CNTN6: variants seen among roughly 807,000 people sequenced by gnomAD.
CNTN6 encodes contactin-6.
A neutral mutation model predicts 122.8 loss-of-function variants in CNTN6; 137 were observed. That is an observed-to-expected ratio of 1.12 (90% CI 0.97 to 1.29). The LOEUF is 1.29. CNTN6 is among the 50% of genes most tolerant of loss of function. The pLI is 0.00. For synonymous variants in CNTN6, 570 were observed against 426.0 expected, an observed-to-expected ratio of 1.34 and a Z score of -4.16; for missense variants, 1,634 against 1,223.4, an observed-to-expected ratio of 1.34 and a Z score of -5.01.
chr3:1,122,301 T>G (rs892510954), intron 1 of CNTN6, among the ~76,000 whole-genome samples: 2 of 92,654 alleles, frequency 2.2e-5, no homozygotes, highest in Non-Finnish European at 2.2e-5. Flanking sequence ...AAGAGAGAAA[T>G]AAATAAAGGA....
chr3:1,266,955 T>A (rs919673322), intron 4 of CNTN6, among the ~76,000 whole-genome samples: 1 of 144,512 alleles, frequency 6.9e-6, no homozygotes, highest in African/African-American at 2.6e-5. Context: ...GGCCCTTTTT[T>A]TTTTTTTTTT....
chr3:1,403,173 A>C, intron 22 of CNTN6, 145 bp from the exon 23 acceptor site: 1 of 555,300 alleles, frequency 1.8e-6, no homozygotes, highest in South Asian at 2.6e-5. Flanking sequence ...CACTTTCTAA[A>C]ATTAAATATA....
intron 4 of CNTN6, among the ~76,000 whole-genome samples, chr3:1,265,304 C>A (rs1165708809): frequency 6.6e-6 from 1 of 152,066 alleles, no homozygotes; most frequent in Non-Finnish European, 1.5e-5. Context: ...CTAAATGAAA[C>A]CTAGTCACTG....
intron 14 of CNTN6, among the ~76,000 whole-genome samples, chr3:1,373,317 A>C (rs1158713840): frequency 3.3e-5 from 5 of 152,108 alleles, no homozygotes; most frequent in African/African-American, 1.2e-4. Flanking sequence ...TACTTGAGTT[A>C]GATTTTAAGA....
rs76178640 is a variant in CNTN6 at position 1,253,726 on chromosome 3, C to T, written c.359-24687C>T. Among the ~76,000 whole-genome samples the T allele has an allele frequency of 4.1e-3, 629 of 152,156 alleles. 4 individuals are homozygous for T. Among genetic ancestry groups the T allele is most frequent in the African/African-American group, 0.013 (531 of 41,512 alleles). ...TCACACTCCTATAAGGATCTAACACCGCTGTTGATCTGACAGGAGGCAGAA... is the reference window on the plus strand; with the variant it reads ...TCACACTCCTATAAGGATCTAACACTGCTGTTGATCTGACAGGAGGCAGAA... On this transcript the variant is annotated intron_variant, in intron 4 of 22. Transcript: ENST00000446702.
At chr3:1,210,007 A>T (rs1215946306) in intron 2 of CNTN6, among the ~76,000 whole-genome samples, 4 of 152,204 alleles carry the variant, frequency 2.6e-5, no homozygotes, top group Non-Finnish European at 5.9e-5. Flanking sequence ...AACTATTTTT[A>T]AAACTCTAGC....
rs532563332 is a variant in CNTN6, at chr3:1,193,404, AC to A, written c.56-27282del. On this transcript the variant is annotated intron_variant, in intron 2 of 22. Coordinates refer to ENST00000446702, the MANE Select transcript of CNTN6 (RefSeq NM_001289080.2). ...TTAGTTATATGATCTTTGATAAGTCACTTAACCTGTCTAGACTCACATTATT... is the reference window on the plus strand; with the variant it reads ...TTAGTTATATGATCTTTGATAAGTCATTAACCTGTCTAGACTCACATTATT... Among the ~76,000 whole-genome samples, 133 of 152,312 alleles carry A rather than the reference AC, an allele frequency of 8.7e-4. 1 individual carries two copies. The highest frequency in any genetic ancestry group is 3.0e-3 in the African/African-American group (126 of 41,582).
chr3:1,101,329 T>G (rs1216194020), intron 1 of CNTN6, among the ~76,000 whole-genome samples: 1 of 152,228 alleles, frequency 6.6e-6, no homozygotes, highest in East Asian at 1.9e-4. Flanking sequence ...TCTCTCCATT[T>G]GGTGCCTCTG....
chr3:1,356,075 G>A (rs1438717094), intron 12 of CNTN6, among the ~76,000 whole-genome samples: 4 of 151,758 alleles, frequency 2.6e-5, no homozygotes, highest in African/African-American at 9.7e-5. Flanking sequence ...AGAGGAAAGA[G>A]AGTTTACGTG....
chr3:1,301,998 CA>C (rs530814998), intron 7 of CNTN6, among the ~76,000 whole-genome samples: 134 of 152,172 alleles, frequency 8.8e-4, no homozygotes, highest in African/African-American at 3.2e-3. Context: ...TAGCAAATGC[CA>C]TATTGTCTTC....
chr3:1,367,962 C>T (rs1708478831), intron 12 of CNTN6, among the ~76,000 whole-genome samples: 1 of 152,176 alleles, frequency 6.6e-6, no homozygotes, highest in Admixed American at 6.5e-5. Flanking sequence ...AACTCTCCAT[C>T]CTGAGCACCA....
chr3:1,386,990 G>GTTAT (rs1250151381), intron 20 of CNTN6, among the ~76,000 whole-genome samples: 7 of 151,268 alleles, frequency 4.6e-5, no homozygotes, highest in African/African-American at 1.5e-4. Flanking sequence ...AGATTATCCA[G>GTTAT]TTATTTCCAC....
At chr3:1,385,852 C>T in intron 20 of CNTN6, 55 bp downstream of exon 20, 1 of 1,438,268 alleles carries the variant, frequency 7.0e-7, no homozygotes, top group South Asian at 1.4e-5. Flanking sequence ...GCAACCTATT[C>T]CTTTGCTTGA....
intron 7 of CNTN6, among the ~76,000 whole-genome samples, chr3:1,314,086 A>T (rs140259389): frequency 6.6e-6 from 1 of 151,808 alleles, no homozygotes. Flanking sequence ...CAGAATCATG[A>T]CTCCATTTAC....
At chr3:1,397,614 A>G (rs1202257922) in intron 20 of CNTN6, among the ~76,000 whole-genome samples, 1 of 152,120 alleles carries the variant, frequency 6.6e-6, no homozygotes, top group African/African-American at 2.4e-5. Flanking sequence ...ATTTATGTCA[A>G]TTCCAAGCAG....
intron 7 of CNTN6, among the ~76,000 whole-genome samples, chr3:1,299,117 C>A (rs1049648868): frequency 6.6e-6 from 1 of 151,774 alleles, no homozygotes; most frequent in Non-Finnish European, 1.5e-5. Flanking sequence ...TTTAAGAGAC[C>A]GTATTTTATT....
intron 2 of CNTN6, among the ~76,000 whole-genome samples, chr3:1,176,918 G>C (rs529775394): frequency 1.4e-4 from 21 of 152,098 alleles, no homozygotes; most frequent in Non-Finnish European, 2.2e-4. Context: ...CCTCCTCAAT[G>C]CTAAGAGGTG....
intron 1 of CNTN6, among the ~76,000 whole-genome samples, chr3:1,117,821 G>A (rs1475588341): frequency 6.6e-6 from 1 of 152,120 alleles, no homozygotes; most frequent in African/African-American, 2.4e-5. Context: ...AATATACCAG[G>A]TTCTCCATCC....
intron 1 of CNTN6, among the ~76,000 whole-genome samples, chr3:1,125,865 C>G (rs1352167809): frequency 2.0e-5 from 3 of 151,818 alleles, no homozygotes; most frequent in Non-Finnish European, 2.9e-5. Flanking sequence ...GAGACAAAAG[C>G]CAACTCCATG....
Sources: gnomAD v4.1 joint callset for allele counts (sites outside exome capture counted in the v4.1 genomes callset) on GRCh38, gnomAD v4.1.1 for gene constraint, MANE v1.5 for transcripts, NCBI Gene and HGNC (gene_info 2026-07-23, HGNC 2026-07-21) for gene names.